The following GABRA5 variants were observed in gnomAD, a reference collection of about 807,000 sequenced individuals.
The protein encoded by GABRA5 is gamma-aminobutyric acid type A receptor subunit alpha5.
Under a neutral mutation model 47.3 loss-of-function variants are expected in GABRA5, and 18 were observed. The ratio of observed to expected loss-of-function variants is 0.38; its 90% CI spans 0.26 to 0.56. The LOEUF (loss-of-function observed/expected upper bound fraction) is 0.56, where lower values mean the gene tolerates loss of function less well. Ranked by LOEUF, GABRA5 falls within the 20% of genes least tolerant of loss-of-function variation. The probability of loss-of-function intolerance (pLI) is 0.71; values close to 1 mark genes in which losing one functional copy is unlikely to be tolerated. For synonymous variants in GABRA5, 237 were observed against 229.3 expected (o/e 1.03, Z -0.30); for missense variants, 365 against 599.3 (o/e 0.61, Z 4.08).
intron 7 of GABRA5, among the ~76,000 whole-genome samples, chr15:26,928,680 A>G (rs563460776): frequency 1.6e-4 from 24 of 152,310 alleles, no homozygotes; most frequent in South Asian, 1.0e-3. Flanking sequence ...ATTACCATCT[A>G]AGAGATACTC....
At chr15:26,879,188 T>C (rs1022934672) in intron 3 of GABRA5, among the ~76,000 whole-genome samples, 1 of 152,226 alleles carries the variant, frequency 6.6e-6, no homozygotes, top group Non-Finnish European at 1.5e-5. Context: ...TTCCAAAAAC[T>C]GAGCACCTGG....
At chr15:26,946,030 C>A (rs528688268) in intron 10 of GABRA5, among the ~76,000 whole-genome samples, 1 of 152,178 alleles carries the variant, frequency 6.6e-6, no homozygotes, top group African/African-American at 2.4e-5. Context: ...ATCGCATTTC[C>A]GAGGTGTGGC....
At chr15:26,946,065 GT>G (rs1054776647) in intron 10 of GABRA5, among the ~76,000 whole-genome samples, 2 of 152,172 alleles carry the variant, frequency 1.3e-5, no homozygotes, top group African/African-American at 4.8e-5. Context: ...CTCCCGCACG[GT>G]TTCCCCAGGG....
At chr15:26,896,162 C>A (rs890393343) in intron 6 of GABRA5, among the ~76,000 whole-genome samples, 7 of 152,192 alleles carry the variant, frequency 4.6e-5, no homozygotes, top group African/African-American at 1.7e-4. Flanking sequence ...TTTTTAAGGG[C>A]TCTGAAGTGT....
intron 3 of GABRA5, chr15:26,877,716 G>C (rs1272216273): frequency 2.2e-6 from 1 of 453,936 alleles, no homozygotes; most frequent in Non-Finnish European, 4.4e-6. Context: ...TAAGGAAAAT[G>C]TTGGAACTGA....
intron 6 of GABRA5, among the ~76,000 whole-genome samples, chr15:26,893,411 G>GCA (rs1893081511): frequency 1.4e-5 from 1 of 69,384 alleles, no homozygotes; most frequent in Admixed American, 1.4e-4. Context: ...TGTGTTGTGT[G>GCA]TGTTGTGTGT....
Position 26,937,336 on chromosome 15 carries a change from C to A in GABRA5, c.724+8C>A, listed in dbSNP as rs377729786. Reference sequence around the variant, plus strand: ...ACATCAGCACCAGCACAGGTGAGGGCTCGGCACGCGCTGTGCTGCCAGGCG... The same window carrying A: ...ACATCAGCACCAGCACAGGTGAGGGATCGGCACGCGCTGTGCTGCCAGGCG... On this transcript the variant is annotated splice_region_variant and intron_variant, in intron 8 of 10. Coordinates refer to ENST00000335625, the MANE Select transcript of GABRA5 (RefSeq NM_000810.4). 50 of 1,600,782 alleles carry A rather than the reference C, an allele frequency of 3.1e-5. No individual in the cohort carries two copies. The highest frequency in any genetic ancestry group is 3.2e-5 in the Non-Finnish European group (37 of 1,173,526).
chr15:26,930,358 C>T (rs1206496210), intron 7 of GABRA5, among the ~76,000 whole-genome samples: 1 of 152,140 alleles, frequency 6.6e-6, no homozygotes, highest in Non-Finnish European at 1.5e-5. Context: ...CCCTCTCCTC[C>T]CATTTTACAA....
In GABRA5 at chr15:26,883,494, A is replaced by T; in HGVS notation, c.434A>T (p.Asn145Ile). Residue 145 changes from asparagine (N) to isoleucine (I), a missense_variant, in exon 6 of 11, where the codon AAC becomes ATC. Transcript: ENST00000335625. The surrounding 1 kb of genome is among the most constrained non-coding windows in gnomAD (Gnocchi z 4.8). ...AACGGGAAGAAGTCCATCGCTCACA[A>T]CATGACCACGCCCAACAAGCTGCTG... ...FHNGKKSIAH[N>I]MTTPNKLLRL... The T allele has an allele frequency of 1.2e-6, 2 of 1,612,152 alleles. No homozygotes were observed. The highest frequency in any genetic ancestry group is 4.5e-5 in the East Asian group (2 of 44,690).
intron 6 of GABRA5, among the ~76,000 whole-genome samples, chr15:26,911,398 A>ACAAACACACACACACACACACAC (rs1566877398): frequency 2.1e-5 from 2 of 96,782 alleles, no homozygotes; most frequent in Non-Finnish European, 4.3e-5. Flanking sequence ...CACACACACA[A>ACAAACACACACACACACACACAC]ACACACACAC....
At chr15:26,893,375 C>CATGTGT (rs1893076080) in intron 6 of GABRA5, among the ~76,000 whole-genome samples, 16 of 1,368 alleles carry the variant, frequency 0.012, no homozygotes, top group African/African-American at 0.016. Context: ...TAGCGTGTGG[C>CATGTGT]GGGACTATAT....
chr15:26,939,122 C>A (rs371544635), intron 8 of GABRA5: 7 of 700,330 alleles, frequency 1.0e-5, no homozygotes, highest in Non-Finnish European at 1.6e-5. Context: ...GCTCTTCCTC[C>A]ACCCCTCAAA....
chr15:26,946,030 C>T (rs528688268), intron 10 of GABRA5, among the ~76,000 whole-genome samples: 5 of 152,296 alleles, frequency 3.3e-5, no homozygotes, highest in African/African-American at 7.2e-5. Context: ...ATCGCATTTC[C>T]GAGGTGTGGC....
chr15:26,876,355 C>G (rs1209435844), intron 3 of GABRA5, among the ~76,000 whole-genome samples: 1 of 151,996 alleles, frequency 6.6e-6, no homozygotes, highest in East Asian at 1.9e-4. Context: ...GTTAAGTGCA[C>G]ACAAAAAGGA....
chr15:26,889,724 AAC>A (rs1283664616), intron 6 of GABRA5, among the ~76,000 whole-genome samples: 1 of 152,246 alleles, frequency 6.6e-6, no homozygotes, highest in African/African-American at 2.4e-5. Flanking sequence ...TTTTTAAGGT[AAC>A]ACATTTTATA....
chr15:26,925,824 G>C (rs1301206600), intron 7 of GABRA5, among the ~76,000 whole-genome samples: 2 of 152,210 alleles, frequency 1.3e-5, no homozygotes, highest in African/African-American at 4.8e-5. Flanking sequence ...ACTTGGCTGA[G>C]TGTGAACTCC....
At chr15:26,891,615 C>A (rs993720341) in intron 6 of GABRA5, among the ~76,000 whole-genome samples, 7 of 152,222 alleles carry the variant, frequency 4.6e-5, no homozygotes, top group African/African-American at 1.4e-4. Context: ...CCCGGATTCA[C>A]CGAAGCACGT....
intron 9 of GABRA5, among the ~76,000 whole-genome samples, 200 bp downstream of exon 9, chr15:26,940,277 A>G (rs1241767289): frequency 6.6e-6 from 1 of 152,216 alleles, no homozygotes; most frequent in Non-Finnish European, 1.5e-5. Context: ...GGTTTAAGGA[A>G]TATCACATGG....
chr15:26,922,526 A>G (rs1893867016), intron 7 of GABRA5, among the ~76,000 whole-genome samples: 1 of 152,186 alleles, frequency 6.6e-6, no homozygotes, highest in Non-Finnish European at 1.5e-5. Context: ...CCCAATATTT[A>G]TCTTTTAATT....
Sources: allele counts gnomAD v4.1 joint callset (sites outside exome capture counted in the v4.1 genomes callset), GRCh38; gene constraint gnomAD v4.1.1; non-coding constraint Gnocchi (gnomAD v3.1); transcripts MANE v1.5; gene names NCBI Gene and HGNC (gene_info 2026-07-23, HGNC 2026-07-21).